The following NDRG2 variants were observed in gnomAD, a reference collection of about 807,000 sequenced individuals.
NDRG2 encodes protein NDRG2.
A neutral mutation model predicts 58.2 loss-of-function variants in NDRG2; 34 were observed. The ratio of observed to expected loss-of-function variants is 0.58; its 90% CI spans 0.44 to 0.78. The LOEUF is 0.78. Among genes scored for constraint, NDRG2 ranks in the 30% least tolerant of loss-of-function variants. NDRG2 has a pLI of 0.00. For synonymous variants in NDRG2, 187 were observed against 175.9 expected (o/e 1.06, Z -0.50); for missense variants, 434 against 471.2 (o/e 0.92, Z 0.73).
intron 1 of NDRG2, among the ~76,000 whole-genome samples, chr14:21,065,160 A>C (rs919746885): frequency 4.7e-5 from 7 of 149,862 alleles, no homozygotes; most frequent in African/African-American, 1.7e-4. Context: ...GATGAGCAAA[A>C]CTCCATCTCA....
At chr14:21,032,120 G>A (rs1430294031) in intron 1 of NDRG2, 3 of 1,580,844 alleles carry the variant, frequency 1.9e-6, no homozygotes, top group Non-Finnish European at 2.6e-6. Flanking sequence ...GACCCTGCAT[G>A]TTTAACACCA....
In NDRG2 at chr14:21,019,702, C is replaced by T; in HGVS notation, c.653G>A (p.Arg218Lys). 1 of 1,613,914 alleles carries T rather than the reference C, an allele frequency of 6.2e-7. No individual in the cohort carries two copies. The highest frequency in any genetic ancestry group is 8.5e-7 in the Non-Finnish European group (1 of 1,179,810). ...GTTGGGTGCATGTGTAATGATATTT[C>T]TGTACTTTTGTATCAACTCAGAATT... ...SGNSELIQKY[R>K]NIITHAPNLD... The change falls in exon 10 of 16, where the codon AGA (arginine) becomes AAA (lysine). Residue 218 changes from arginine to lysine, a missense_variant. Transcript: ENST00000556147.
At chr14:21,027,587 A>G (rs1425521582), upstream of NDRG2, among the ~76,000 whole-genome samples, 1 of 152,238 alleles carries the variant, frequency 6.6e-6, no homozygotes, top group African/African-American at 2.4e-5. Context: ...CCTGATGGAG[A>G]AAATGCAAAC....
upstream of NDRG2, chr14:21,028,569 G>C (rs1457387346): frequency 6.6e-6 from 1 of 152,152 alleles, no homozygotes; most frequent in Non-Finnish European, 1.5e-5. Flanking sequence ...TTGGGGCCTA[G>C]TTAGTTGTAT....
intron 15 of NDRG2, 42 bp downstream of exon 15, chr14:21,017,945 T>C (rs748766691): frequency 1.7e-5 from 28 of 1,613,960 alleles, no homozygotes; most frequent in Non-Finnish European, 2.1e-5. Context: ...CGTCAGTGCC[T>C]ATCTCTCCTC....
intron 1 of NDRG2, chr14:21,043,287 C>T: frequency 8.7e-6 from 14 of 1,614,188 alleles, no homozygotes; most frequent in Non-Finnish European, 1.2e-5. Flanking sequence ...AAACTGCCAC[C>T]AGAGCCACGG....
intron 1 of NDRG2, among the ~76,000 whole-genome samples, chr14:21,054,731 A>T (rs1885603493): frequency 6.6e-6 from 1 of 152,196 alleles, no homozygotes; most frequent in African/African-American, 2.4e-5. Flanking sequence ...ACCTGCCAGA[A>T]CCTTAGTTTC....
intron 9 of NDRG2, 29 bp downstream of exon 9, chr14:21,019,891 A>C (rs1400247128): frequency 6.2e-7 from 1 of 1,612,090 alleles, no homozygotes; most frequent in East Asian, 2.2e-5. Context: ...GCTCCCGTCG[A>C]CTCTTCTACA....
rs1375589432 is a variant in NDRG2, at chr14:21,068,031, G to T, written c.24+2797C>A. Among the ~76,000 whole-genome samples, 2 of 26,664 alleles carry T rather than the reference G, an allele frequency of 7.5e-5. 1 individual carries two copies. Among genetic ancestry groups the T allele is most frequent in the African/African-American group, 1.6e-4 (2 of 12,144 alleles). 17.5% of individuals were successfully genotyped at this position (26,664 alleles called of 152,430 possible). ...TTTTTTTTTTTTGAGACGGAGTCTC[G>T]CTCTGTCGCCCAGGCTGGAGTGCAG... On this transcript the variant is annotated intron_variant, in intron 1 of 14. Transcript: ENST00000403829.
chr14:21,052,347 C>G (rs188318405), intron 1 of NDRG2, among the ~76,000 whole-genome samples: 59 of 152,222 alleles, frequency 3.9e-4, no homozygotes, highest in South Asian at 1.5e-3. Flanking sequence ...AGGTAGTACA[C>G]GATTTAGAAC....
chr14:21,055,236 A>G (rs545450180), intron 1 of NDRG2, among the ~76,000 whole-genome samples: 2 of 152,360 alleles, frequency 1.3e-5, no homozygotes, highest in South Asian at 4.1e-4. Context: ...AGGAATTCCT[A>G]CAAAATTAGA....
At chr14:21,025,773 G>A (rs1228864765), upstream of NDRG2, 498 of 797,680 alleles carry the variant, frequency 6.2e-4, 4 homozygotes, top group Admixed American at 1.2e-3. The surrounding 1 kb of genome is among the most constrained non-coding windows in gnomAD (Gnocchi z 5.1). Flanking sequence ...AATGCGGGGG[G>A]CCGCTATAAA....
intron 3 of NDRG2, 152 bp downstream of exon 3, chr14:21,022,712 G>A (rs940870673): frequency 1.4e-6 from 1 of 712,464 alleles, no homozygotes; most frequent in South Asian, 1.9e-5. Context: ...AAGAGGAGGG[G>A]AAGGAAGGAG....
rs1026159893 is a variant in NDRG2, at chr14:21,024,979, C to T, written c.-956G>A. The T allele has an allele frequency of 2.0e-6, 2 of 985,522 alleles. No homozygotes were observed. The highest frequency in any genetic ancestry group is 1.7e-5 in the African/African-American group (1 of 57,248). The allele number at this position is 985,522 out of a possible 1,614,324, so 61.0% of individuals were successfully genotyped here. A position where few individuals can be genotyped will look rare whatever the true frequency, so the allele number is the denominator to read the frequency against. On this transcript the variant is annotated 5_prime_UTR_variant, in exon 1 of 16. Transcript: ENST00000556147. Reference sequence around the variant, plus strand: ...GGATCAATCACACCGCCCGCCGGCCCGGCTGGCGCCTTCCAGGCCCTACGG... The same window carrying T: ...GGATCAATCACACCGCCCGCCGGCCTGGCTGGCGCCTTCCAGGCCCTACGG...
intron 2 of NDRG2, 26 bp downstream of exon 2, chr14:21,023,215 A>T: frequency 6.2e-7 from 1 of 1,604,310 alleles, no homozygotes; most frequent in African/African-American, 1.3e-5. Flanking sequence ...GAATTTGGGC[A>T]TGGGAGTCAA....
chr14:21,025,527 A>G, upstream of NDRG2: 10 of 985,352 alleles, frequency 1.0e-5, no homozygotes, highest in Non-Finnish European at 1.2e-5. This position sits in a 1 kb window ranked among gnomAD's most constrained non-coding sequence, Gnocchi z 5.1. Flanking sequence ...AGAGAACTAG[A>G]TTAAGAAAGG....
At chr14:21,022,790 A>T (rs1165446058) in intron 3 of NDRG2, 74 bp downstream of exon 3, 5 of 1,475,210 alleles carry the variant, frequency 3.4e-6, no homozygotes, top group Non-Finnish European at 4.7e-6. Flanking sequence ...AGAGAGGGCC[A>T]AGCAGAGGCC....
intron 6 of NDRG2, chr14:21,021,568 T>C: frequency 1.9e-6 from 1 of 518,598 alleles, no homozygotes; most frequent in Non-Finnish European, 3.5e-6. Context: ...AGGCCCTCCT[T>C]AGCCTGAGGC....
chr14:21,034,073 A>G (rs375015270), intron 1 of NDRG2: 52 of 1,614,168 alleles, frequency 3.2e-5, no homozygotes, highest in South Asian at 1.2e-4. Context: ...GTATCACATA[A>G]TGGATCTTTG....
Sources: allele counts gnomAD v4.1 joint callset (sites outside exome capture counted in the v4.1 genomes callset), GRCh38; gene constraint gnomAD v4.1.1; non-coding constraint Gnocchi (gnomAD v3.1); transcripts MANE v1.5; gene names NCBI Gene and HGNC (gene_info 2026-07-23, HGNC 2026-07-21).